The following FOXP2 variants were observed in gnomAD, a reference collection of about 807,000 sequenced individuals.
FOXP2 encodes forkhead box protein P2.
A neutral mutation model predicts 115.8 loss-of-function variants in FOXP2; 12 were observed. The ratio of observed to expected loss-of-function variants is 0.10; its 90% CI spans 0.07 to 0.17. The LOEUF (loss-of-function observed/expected upper bound fraction) is 0.17. Ranked by LOEUF, FOXP2 falls within the 10% of genes least tolerant of loss-of-function variation. The pLI, the probability that FOXP2 is intolerant of heterozygous loss-of-function variation, is 1.00. For synonymous variants in FOXP2, 328 were observed against 297.7 expected (o/e 1.10, Z -1.05); for missense variants, 629 against 843.5 (o/e 0.75, Z 3.15).
intron 2 of FOXP2, among the ~76,000 whole-genome samples, chr7:114,387,509 C>G (rs1392258595): frequency 6.6e-6 from 1 of 151,954 alleles, no homozygotes; most frequent in Non-Finnish European, 1.5e-5. Context: ...CAGATTTAAC[C>G]TTTTATTTAG....
chr7:114,485,407 T>A (rs542380105), intron 2 of FOXP2, among the ~76,000 whole-genome samples: 114 of 152,084 alleles, frequency 7.5e-4, no homozygotes, highest in Non-Finnish European at 1.4e-3. Context: ...TATGTTTTAT[T>A]GTTTTAGAGG....
intron 8 of FOXP2, among the ~76,000 whole-genome samples, chr7:114,648,949 G>A (rs1806075677): frequency 6.6e-6 from 1 of 151,974 alleles, no homozygotes; most frequent in African/African-American, 2.4e-5. Flanking sequence ...TTAGGGACTG[G>A]AGCTAACCAG....
intron 1 of FOXP2, among the ~76,000 whole-genome samples, chr7:114,135,066 A>G (rs979944264): frequency 3.3e-5 from 5 of 152,362 alleles, no homozygotes; most frequent in Admixed American, 3.3e-4. Flanking sequence ...ATTAGGATAT[A>G]TTCATATAGG....
chr7:114,325,992 T>C (rs1467645159), intron 2 of FOXP2, among the ~76,000 whole-genome samples: 2 of 152,020 alleles, frequency 1.3e-5, no homozygotes, highest in Non-Finnish European at 2.9e-5. Flanking sequence ...CTATTTCTTA[T>C]GATAATAATC....
Position 114,213,588 on chromosome 7 carries a change from A to G in FOXP2, c.-102+50500A>G, listed in dbSNP as rs574148691. ...AGCTTCATATCTTATATATCTTTAA[A>G]AACTATATTAATGTTTATAGCAATT... On this transcript the variant is annotated intron_variant, in intron 1 of 17. Transcript: ENST00000634411. 2.0e-5 allele frequency among the ~76,000 whole-genome samples: 3 copies of G among 152,284 alleles called. No homozygotes were observed. The South Asian group carries it at 6.2e-4, about 32-fold the overall frequency.
intron 1 of FOXP2, among the ~76,000 whole-genome samples, chr7:114,097,164 A>G (rs112493100): frequency 7.2e-4 from 110 of 152,280 alleles, no homozygotes; most frequent in African/African-American, 2.4e-3. Flanking sequence ...GGTAAAATTC[A>G]CCACGTTTTA....
intron 1 of FOXP2, among the ~76,000 whole-genome samples, chr7:114,095,696 C>T (rs1271614898): frequency 6.6e-6 from 1 of 152,088 alleles, no homozygotes; most frequent in East Asian, 1.9e-4. Flanking sequence ...TTGTGTTGGT[C>T]CTGTGCTCAT....
chr7:114,369,774 T>A (rs1229238859), intron 2 of FOXP2, among the ~76,000 whole-genome samples: 1 of 152,136 alleles, frequency 6.6e-6, no homozygotes, highest in Non-Finnish European at 1.5e-5. Flanking sequence ...ATATTAAATT[T>A]TATTATACTG....
At chr7:114,138,085 A>G (rs561316236) in intron 1 of FOXP2, among the ~76,000 whole-genome samples, 27 of 152,316 alleles carry the variant, frequency 1.8e-4, no homozygotes, top group African/African-American at 6.5e-4. Context: ...ATGAGCCCAT[A>G]TTAAATACAT....
chr7:114,590,830 G>C (rs1455812295), intron 3 of FOXP2, among the ~76,000 whole-genome samples: 1 of 151,994 alleles, frequency 6.6e-6, no homozygotes, highest in African/African-American at 2.4e-5. Context: ...TGGACAAAGA[G>C]GGGAAAAATC....
intron 1 of FOXP2, among the ~76,000 whole-genome samples, chr7:114,223,198 TG>T (rs1794664953): frequency 6.6e-6 from 1 of 152,078 alleles, no homozygotes; most frequent in Non-Finnish European, 1.5e-5. Context: ...CAAAAATGGA[TG>T]CATCAGTTTA....
At position 114,551,012 on chromosome 7, in the gene FOXP2, A is replaced by G. The variant is rs144270022; in HGVS notation, c.258+16306A>G. ...TTTCTACCTTTTTGCTTGATATTCCATACAAGTAGATATTTATGTACTAGA... is the reference window on the plus strand; with the variant it reads ...TTTCTACCTTTTTGCTTGATATTCCGTACAAGTAGATATTTATGTACTAGA... On this transcript the variant is annotated intron_variant, in intron 3 of 16. Coordinates refer to ENST00000350908, the MANE Select transcript of FOXP2 (RefSeq NM_014491.4). Among the ~76,000 whole-genome samples, 652 of 152,278 alleles carry G rather than the reference A, an allele frequency of 4.3e-3. 8 individuals are homozygous for G. The highest frequency in any genetic ancestry group is 0.015 in the African/African-American group (612 of 41,548).
chr7:114,165,702 A>G (rs952236023), intron 1 of FOXP2, among the ~76,000 whole-genome samples: 35 of 152,184 alleles, frequency 2.3e-4, no homozygotes, highest in African/African-American at 8.4e-4. Flanking sequence ...CTAAGTTGAT[A>G]TGTATATTCA....
At chr7:114,245,391 T>G (rs1029397560) in intron 1 of FOXP2, among the ~76,000 whole-genome samples, 3 of 152,224 alleles carry the variant, frequency 2.0e-5, no homozygotes, top group Admixed American at 2.0e-4. Flanking sequence ...TTTGTGGTAC[T>G]GCCAGCTATT....
intron 16 of FOXP2, among the ~76,000 whole-genome samples, chr7:114,684,423 A>G (rs1401480115): frequency 6.6e-6 from 1 of 152,210 alleles, no homozygotes; most frequent in Non-Finnish European, 1.5e-5. Context: ...ATCTGTATCT[A>G]AAACTATGGG....
intron 1 of FOXP2, among the ~76,000 whole-genome samples, chr7:114,131,083 G>A (rs1791862554): frequency 6.6e-6 from 1 of 152,194 alleles, no homozygotes; most frequent in South Asian, 2.1e-4. Flanking sequence ...TGTAAGAATG[G>A]AATTTGTGTT....
intron 3 of FOXP2, among the ~76,000 whole-genome samples, chr7:114,557,786 ACTTTATTT>A (rs1317534579): frequency 7.0e-6 from 1 of 142,156 alleles, no homozygotes; most frequent in East Asian, 2.0e-4. Context: ...CACTGAACTG[ACTTTATTT>A]ATTTATTTAT....
chr7:114,575,614 C>T (rs568763210), intron 3 of FOXP2, among the ~76,000 whole-genome samples: 1 of 151,802 alleles, frequency 6.6e-6, no homozygotes, highest in African/African-American at 2.4e-5. Flanking sequence ...CCTCACCAGA[C>T]CTAAATGATG....
At chr7:114,095,858 A>G (rs1441346491) in intron 1 of FOXP2, among the ~76,000 whole-genome samples, 1 of 152,192 alleles carries the variant, frequency 6.6e-6, no homozygotes, top group Non-Finnish European at 1.5e-5. Flanking sequence ...GCATTGTGCT[A>G]CATTAGAAGG....
Sources: allele counts gnomAD v4.1 joint callset (sites outside exome capture counted in the v4.1 genomes callset), GRCh38; gene constraint gnomAD v4.1.1; transcripts MANE v1.5; gene names NCBI Gene and HGNC (gene_info 2026-07-23, HGNC 2026-07-21).